Variants in STPG2 observed in about 807,000 individuals in gnomAD.
STPG2 encodes the protein sperm tail PG-rich repeat containing 2, also known as sperm-tail PG-rich repeat-containing protein 2.
In STPG2, 56 loss-of-function variants were observed where a neutral mutation model predicts 54.2. That is an observed-to-expected ratio of 1.03 (90% CI 0.83 to 1.29). The LOEUF is 1.29. Ranked by LOEUF, STPG2 falls within the 50% of genes most tolerant of loss-of-function variation. The probability of loss-of-function intolerance (pLI) is 0.00; values close to 1 mark genes in which losing one functional copy is unlikely to be tolerated. For missense variants in STPG2, 596 were observed against 544.9 expected (o/e 1.09, Z -0.93); for synonymous variants, 200 against 181.8 (o/e 1.10, Z -0.81).
Position 97,631,836 on chromosome 4 carries a change from G to A in STPG2, c.1321-72719C>T, listed in dbSNP as rs560326281. Among the ~76,000 whole-genome samples the A allele has an allele frequency of 2.5e-4, 38 of 152,116 alleles. No homozygotes were observed. In the South Asian group the frequency reaches 7.5e-3, roughly 30 times the overall value. ...CTGTGACATTTTTGACAATGCAAGG[G>A]TATGTGCTGTGCAAAAAGTAGACTA... On this transcript the variant is annotated intron_variant, in intron 10 of 10. Transcript: ENST00000295268.
chr4:97,737,816 A>G (rs1193612682), intron 9 of STPG2, among the ~76,000 whole-genome samples: 1 of 152,224 alleles, frequency 6.6e-6, no homozygotes, highest in Non-Finnish European at 1.5e-5. Context: ...AACTTCCCCA[A>G]TCTAGCAAGG....
chr4:97,855,632 G>A lies in STPG2; in HGVS notation c.1045-14700C>T, dbSNP rs910896897. Among the ~76,000 whole-genome samples the A allele has an allele frequency of 4.6e-5, 7 of 152,072 alleles. No individual in the cohort carries two copies. The South Asian group carries it at 8.3e-4, about 18-fold the overall frequency. ...CTGTAGGTTGCCTGTTCACTCTGACGAAAGTTTCTTCTGCTGTGCAGAAGC... is the reference window on the plus strand; with the variant it reads ...CTGTAGGTTGCCTGTTCACTCTGACAAAAGTTTCTTCTGCTGTGCAGAAGC... On this transcript the variant is annotated intron_variant, in intron 8 of 10. Coordinates refer to ENST00000295268, the MANE Select transcript of STPG2 (RefSeq NM_174952.3).
At chr4:97,731,445 C>T (rs180719618) in intron 9 of STPG2, among the ~76,000 whole-genome samples, 2 of 152,192 alleles carry the variant, frequency 1.3e-5, no homozygotes, top group Admixed American at 6.5e-5. Flanking sequence ...TATTTCAGTG[C>T]GTTTGCAGCA....
Position 97,623,778 on chromosome 4 carries a change from C to T in STPG2, c.1321-64661G>A, listed in dbSNP as rs1418038423. ...GCATGCATAGGTTATTTTCCTGATG[C>T]TCTTCCTCCCCCGACACCCCCACTG... On this transcript the variant is annotated intron_variant, in intron 10 of 10. Transcript: ENST00000295268. Among the ~76,000 whole-genome samples, 5 of 152,108 alleles carry T rather than the reference C, an allele frequency of 3.3e-5. No individual in the cohort carries two copies. The East Asian group carries it at 9.7e-4, about 29-fold the overall frequency.
chr4:97,936,572 G>C (rs1166546629), intron 8 of STPG2, among the ~76,000 whole-genome samples: 1 of 152,064 alleles, frequency 6.6e-6, no homozygotes, highest in Non-Finnish European at 1.5e-5. Context: ...AGGCAGGCCT[G>C]GTGGTAATGA....
In STPG2 at chr4:97,509,090, T is replaced by C. The variant is rs531693530; in HGVS notation, c.462+203609A>G. 2.0e-5 allele frequency among the ~76,000 whole-genome samples: 3 copies of C among 152,268 alleles called. No individual in the cohort carries two copies. The East Asian group carries it at 5.8e-4, about 29-fold the overall frequency. On this transcript the variant is annotated intron_variant, in intron 4 of 4. Transcript: ENST00000522676. ...TAAATTCCTGCTCTACAGCATCGCC[T>C]TCACTGTTAGGCCCAATCTGGCCCC...
chr4:97,995,415 C>T (rs563749339), intron 5 of STPG2, among the ~76,000 whole-genome samples: 7 of 152,284 alleles, frequency 4.6e-5, no homozygotes, highest in South Asian at 2.1e-4. Flanking sequence ...TCTCTCCACA[C>T]GGCTCTGTCT....
chr4:97,619,813 T>C (rs1339851904), intron 10 of STPG2, among the ~76,000 whole-genome samples: 4 of 147,158 alleles, frequency 2.7e-5, no homozygotes, highest in African/African-American at 8.0e-5. Flanking sequence ...ATTATTATAA[T>C]TTCTTTTTCT....
In STPG2 at chr4:97,943,980, T is replaced by C; in HGVS notation, c.961A>G (p.Ile321Val). The C allele has an allele frequency of 3.7e-6, 6 of 1,608,178 alleles. No homozygotes were observed. Among genetic ancestry groups the C allele is most frequent in the Non-Finnish European group, 5.1e-6 (6 of 1,178,046 alleles). ...QEFWHSQGVG[I>V]SDELPNLTNK... is the part of the protein sequence containing the mutation. Reference sequence around the variant, plus strand: ...GTCAAGTTAGGTAATTCATCAGAAATTCCCACACCCTGTGAATGCCAAAAT... The same window carrying C: ...GTCAAGTTAGGTAATTCATCAGAAACTCCCACACCCTGTGAATGCCAAAAT... Residue 321 changes from isoleucine to valine, a missense_variant, in exon 8 of 11, where the codon ATT becomes GTT. Transcript: ENST00000295268.
At chr4:97,838,530 A>G (rs528986522) in intron 9 of STPG2, among the ~76,000 whole-genome samples, 98 of 149,712 alleles carry the variant, frequency 6.5e-4, no homozygotes, top group Admixed American at 1.7e-3. Context: ...ATATTGATCA[A>G]AAAAAACGTA....
At chr4:97,829,036 G>C (rs1306980811) in intron 9 of STPG2, among the ~76,000 whole-genome samples, 1 of 152,168 alleles carries the variant, frequency 6.6e-6, no homozygotes, top group Non-Finnish European at 1.5e-5. Context: ...GGGTCAGACT[G>C]CCTCCTCAAC....
chr4:98,015,434 G>A (rs1735911933), intron 5 of STPG2, among the ~76,000 whole-genome samples: 1 of 152,166 alleles, frequency 6.6e-6, no homozygotes, highest in Non-Finnish European at 1.5e-5. Flanking sequence ...AGACATTTAT[G>A]CGGCCAACAA....
At chr4:97,614,974 T>C (rs979022600) in intron 10 of STPG2, among the ~76,000 whole-genome samples, 6 of 152,170 alleles carry the variant, frequency 3.9e-5, no homozygotes, top group Non-Finnish European at 8.8e-5. Context: ...TTGATGTGAA[T>C]ACTCTGCCAC....
At chr4:98,126,605 C>A (rs1366142671) in intron 3 of STPG2, among the ~76,000 whole-genome samples, 1 of 152,160 alleles carries the variant, frequency 6.6e-6, no homozygotes, top group African/African-American at 2.4e-5. Context: ...AATGAGAGAA[C>A]CTGGATACCT....
At chr4:97,695,664 T>C (rs989007250) in intron 10 of STPG2, among the ~76,000 whole-genome samples, 1 of 151,558 alleles carries the variant, frequency 6.6e-6, no homozygotes. Flanking sequence ...GGATACTACA[T>C]CAATGTACAC....
At chr4:97,713,107 C>T (rs1724184511) in intron 9 of STPG2, among the ~76,000 whole-genome samples, 2 of 152,074 alleles carry the variant, frequency 1.3e-5, no homozygotes, top group Admixed American at 1.3e-4. Context: ...ATGCTTAACT[C>T]TTATATCCTA....
chr4:97,678,905 T>G (rs1285584728), intron 10 of STPG2, among the ~76,000 whole-genome samples: 1 of 152,070 alleles, frequency 6.6e-6, no homozygotes, highest in East Asian at 1.9e-4. Context: ...GATAGTTTAC[T>G]GAGAATGATG....
At chr4:97,778,395 C>G (rs1726457630) in intron 9 of STPG2, among the ~76,000 whole-genome samples, 1 of 152,126 alleles carries the variant, frequency 6.6e-6, no homozygotes, top group Non-Finnish European at 1.5e-5. Flanking sequence ...GGAGGGGCGT[C>G]CAACATTGCT....
intron 3 of STPG2, among the ~76,000 whole-genome samples, chr4:98,123,658 A>AT (rs1365029055): frequency 2.6e-5 from 4 of 152,188 alleles, no homozygotes; most frequent in Non-Finnish European, 5.9e-5. Context: ...AAGAACGTAT[A>AT]TTCTGTTGTT....
Sources: allele counts gnomAD v4.1 joint callset (sites outside exome capture counted in the v4.1 genomes callset), GRCh38; gene constraint gnomAD v4.1.1; transcripts MANE v1.5; gene names NCBI Gene and HGNC (gene_info 2026-07-23, HGNC 2026-07-21).